Variants in MARVELD3 observed in about 807,000 individuals in gnomAD.
MARVELD3 encodes MARVEL domain containing 3.
Under a neutral mutation model 33.5 loss-of-function variants are expected in MARVELD3, and 28 were observed. The ratio of observed to expected loss-of-function variants is 0.84; its 90% CI spans 0.62 to 1.15. The LOEUF (loss-of-function observed/expected upper bound fraction) is 1.15. MARVELD3 is among the 50% of genes most tolerant of loss of function. MARVELD3 has a pLI of 0.00. For missense variants in MARVELD3, 582 were observed against 547.6 expected (o/e 1.06, Z -0.63); for synonymous variants, 241 against 230.4 (o/e 1.05, Z -0.42).
chr16:71,637,483 G>A (rs894653490), downstream of MARVELD3, among the ~76,000 whole-genome samples: 2 of 152,170 alleles, frequency 1.3e-5, no homozygotes, highest in Non-Finnish European at 2.9e-5. Flanking sequence ...TAAACCAGCA[G>A]CTTACTGTGC....
chr16:71,631,588 G>GTTA (rs2044533983), intron 2 of MARVELD3, among the ~76,000 whole-genome samples: 2 of 151,970 alleles, frequency 1.3e-5, no homozygotes, highest in Non-Finnish European at 2.9e-5. Flanking sequence ...TGGCTGGGAG[G>GTTA]TAGCGCGTGC....
At chr16:71,631,815 A>T (rs908536391) in intron 2 of MARVELD3, among the ~76,000 whole-genome samples, 3 of 152,222 alleles carry the variant, frequency 2.0e-5, no homozygotes, top group Admixed American at 2.0e-4. Flanking sequence ...GAAAACAATA[A>T]TGTTGTTTGC....
rs770522714 is a variant in MARVELD3 at position 71,629,495 on chromosome 16, G to A, written c.595+1G>A. The stretch of plus-strand genomic sequence containing the variant: ...TGCAAATACTTGTGCACTGGGAGAG[G>A]TGAGCCGTTTTGCAGGCTGTTTGAT... On this transcript the variant is annotated splice_donor_variant, in intron 2 of 2. Coordinates refer to ENST00000268485, the MANE Select transcript of MARVELD3 (RefSeq NM_052858.6). LOFTEE classifies it high-confidence loss of function. The A allele has an allele frequency of 6.4e-7, 1 of 1,565,428 alleles. No homozygotes were observed.
At chr16:71,628,545 A>T (rs1333747474) in intron 1 of MARVELD3, among the ~76,000 whole-genome samples, 1 of 151,754 alleles carries the variant, frequency 6.6e-6, no homozygotes, top group East Asian at 1.9e-4. Flanking sequence ...TCAAAACAAA[A>T]AAAAAAAAAG....
Position 71,634,731 on chromosome 16 carries a change from T to A in MARVELD3, c.1134T>A (p.Ala378=), listed in dbSNP as rs12932850. ...GCATTGTGGTCTTTGCCCTGGGGGC[T>A]GTCCTGGCCATAAAGGGCTACCGAA... ...ALGIVVFALG[A]VLAIKGYRKV... is the part of the protein sequence containing the mutation. The change falls in exon 3 of 3, where the codon GCT becomes GCA. Residue 378 remains alanine, a synonymous_variant. Transcript: ENST00000268485. 41 of 1,613,896 alleles carry A rather than the reference T, an allele frequency of 2.5e-5. No homozygotes were observed. The African/African-American group carries it at 4.7e-4, about 18-fold the overall frequency.
intron 2 of MARVELD3, among the ~76,000 whole-genome samples, chr16:71,632,697 C>T (rs569801958): frequency 1.6e-4 from 25 of 151,708 alleles, no homozygotes; most frequent in African/African-American, 5.3e-4. Flanking sequence ...CTGCAAACTC[C>T]GCCTCCTGGG....
rs2044580340 is a variant in MARVELD3 at position 71,636,214 on chromosome 16, T to A, written c.*1411T>A. On this transcript the variant is annotated 3_prime_UTR_variant, in exon 3 of 3. Transcript: ENST00000268485. ...AATCCAAAGAATTTTAATTTGGAGT[T>A]GATGTCCTCTTTACAATACATTTAT... 2.2e-6 allele frequency: 2 copies of A among 891,452 alleles called. No homozygotes were observed. The highest frequency in any genetic ancestry group is 1.2e-4 in the Admixed American group (2 of 16,146). 55.2% of individuals were successfully genotyped at this position (891,452 alleles called of 1,614,324 possible).
intron 2 of MARVELD3, among the ~76,000 whole-genome samples, chr16:71,631,578 T>A (rs1394786876): frequency 1.3e-5 from 2 of 151,828 alleles, no homozygotes; most frequent in African/African-American, 4.8e-5. Context: ...GCCTCCCGAG[T>A]GGCTGGGAGG....
chr16:71,640,220 TCA>T (rs2044607090), downstream of MARVELD3, among the ~76,000 whole-genome samples: 1 of 148,736 alleles, frequency 6.7e-6, no homozygotes, highest in South Asian at 2.1e-4. Flanking sequence ...AGTGAGCCAA[TCA>T]CACCATTGCA....
rs945198185 is a variant in MARVELD3 at position 71,626,709 on chromosome 16, G to A, written c.467+13G>A. The A allele has an allele frequency of 1.1e-5, 16 of 1,440,020 alleles. No individual in the cohort carries two copies. Among genetic ancestry groups the A allele is most frequent in the African/African-American group, 1.5e-5 (1 of 67,636 alleles). 89.2% of individuals were successfully genotyped at this position (1,440,020 alleles called of 1,614,324 possible). ...GCAGACCCGAAAGGTGAGAGGGGCC[G>A]GGGCGCTGCGACCTCCGCGCCGGGG... On this transcript the variant is annotated intron_variant, in intron 1 of 2. Coordinates refer to ENST00000268485, the MANE Select transcript of MARVELD3 (RefSeq NM_052858.6). This position sits in a 1 kb window ranked among gnomAD's most constrained non-coding sequence, Gnocchi z 5.3.
intron 1 of MARVELD3, 85 bp from the exon 2 acceptor site, chr16:71,629,282 C>T: frequency 7.2e-7 from 1 of 1,391,780 alleles, no homozygotes; most frequent in Non-Finnish European, 9.5e-7. Flanking sequence ...AATATTTGGG[C>T]CCAGCACGAG....
rs758015240 is a variant in MARVELD3 at position 71,634,201 on chromosome 16, C to CAT, written c.605_606insTA (p.Gln202HisfsTer8). On this transcript the variant is annotated frameshift_variant, in exon 3 of 3. Transcript: ENST00000268485. LOFTEE classifies it high-confidence loss of function. ...ACACCCTTTTTTTGCAGCCTGCTGC[C>CAT]AAATGCTGGAGGTTCTCCTGAACTT... 3.1e-6 allele frequency: 5 copies of CAT among 1,599,226 alleles called. No homozygotes were observed. The African/African-American group carries it at 6.7e-5, about 21-fold the overall frequency.
At position 71,635,541 on chromosome 16, in the gene MARVELD3, A is replaced by G. The variant is rs886661947; in HGVS notation, c.*738A>G. 2.9e-5 allele frequency: 29 copies of G among 983,350 alleles called. No homozygotes were observed. In the Admixed American group the frequency reaches 3.1e-4, roughly 10 times the overall value. 60.9% of individuals were successfully genotyped at this position (983,350 alleles called of 1,614,324 possible). A position where few individuals can be genotyped will look rare whatever the true frequency, so the allele number is the denominator to read the frequency against. ...AGGATTGCTTGAACCCAGGAGTTCA[A>G]GTTTGCAGTGCGCTATGATTGTCCC... is the stretch of plus-strand genomic sequence containing the variant. On this transcript the variant is annotated 3_prime_UTR_variant, in exon 3 of 3. Transcript: ENST00000268485.
chr16:71,634,181 CT>C lies in MARVELD3; in HGVS notation c.596-5del, dbSNP rs750141510. The C allele has an allele frequency of 4.4e-6, 7 of 1,587,848 alleles. No homozygotes were observed. The highest frequency in any genetic ancestry group is 2.3e-5 in the South Asian group (2 of 86,792). On this transcript the variant is annotated splice_polypyrimidine_tract_variant and intron_variant, in intron 2 of 2. Transcript: ENST00000268485. ...AGCATCACTCAAAAATGGTAACACC[CT>C]TTTTTTGCAGCCTGCTGCCAAATGC...
At chr16:71,640,769 T>C, downstream of MARVELD3, 1 of 1,614,194 alleles carries the variant, frequency 6.2e-7, no homozygotes, top group South Asian at 1.1e-5. Flanking sequence ...TCCACGTGGC[T>C]CTGCAGATCA....
At position 71,626,221 on chromosome 16, in the gene MARVELD3, A is replaced by C; in HGVS notation, c.-9A>C. 6.8e-7 allele frequency: 1 copy of C among 1,463,632 alleles called. No individual in the cohort carries two copies. Among genetic ancestry groups the C allele is most frequent in the Non-Finnish European group, 9.0e-7 (1 of 1,111,328 alleles). 90.7% of individuals were successfully genotyped at this position (1,463,632 alleles called of 1,614,324 possible). On this transcript the variant is annotated 5_prime_UTR_variant, in exon 1 of 3. Transcript: ENST00000268485. This position sits in a 1 kb window ranked among gnomAD's most constrained non-coding sequence, Gnocchi z 5.3. ...AGGTCGCTCCCGGGCGGGGACACGG[A>C]ACCCGGCCATGGAAGATCCGTCGGG...
rs1365378332 is a variant in MARVELD3, at chr16:71,634,177, C to T, written c.596-16C>T. 1.3e-6 allele frequency: 2 copies of T among 1,584,410 alleles called. No homozygotes were observed. The highest frequency in any genetic ancestry group is 1.7e-6 in the Non-Finnish European group (2 of 1,163,802). ...AAACAGCATCACTCAAAAATGGTAA[C>T]ACCCTTTTTTTGCAGCCTGCTGCCA... is the stretch of plus-strand genomic sequence containing the variant. On this transcript the variant is annotated splice_polypyrimidine_tract_variant and intron_variant, in intron 2 of 2. Transcript: ENST00000268485.
chr16:71,634,979 C>A lies in MARVELD3; in HGVS notation c.*176C>A. ...GAGCGGTGTTCATGGATGCAACAGA[C>A]CCTGGCTTCTGGAGTCCTCTGTGAG... On this transcript the variant is annotated 3_prime_UTR_variant, in exon 3 of 3. Coordinates refer to ENST00000268485, the MANE Select transcript of MARVELD3 (RefSeq NM_052858.6). The A allele has an allele frequency of 7.2e-7, 1 of 1,396,598 alleles. No individual in the cohort carries two copies. The highest frequency in any genetic ancestry group is 9.3e-7 in the Non-Finnish European group (1 of 1,077,040). 86.5% of individuals were successfully genotyped at this position (1,396,598 alleles called of 1,614,324 possible).
chr16:71,634,793 T>G lies in MARVELD3; in HGVS notation c.1196T>G (p.Phe399Cys), dbSNP rs562415424. 4 of 1,597,178 alleles carry G rather than the reference T, an allele frequency of 2.5e-6. No homozygotes were observed. The highest frequency in any genetic ancestry group is 2.2e-5 in the South Asian group (2 of 89,412). Reference sequence around the variant, plus strand: ...CTAAAAGAGAAGCCAGCAGAAATGTTTGAATTTTAAGGGTTTCTAAAACGC... The same window carrying G: ...CTAAAAGAGAAGCCAGCAGAAATGTGTGAATTTTAAGGGTTTCTAAAACGC... Reference protein sequence around the residue: ...RKLKEKPAEMFEF With the variant: ...RKLKEKPAEMCEF Residue 399 changes from phenylalanine to cysteine, a missense_variant, in exon 3 of 3, where the codon TTT (phenylalanine) becomes TGT (cysteine). By Grantham distance (205) the Phe-to-Cys change is radical. Coordinates refer to ENST00000268485, the MANE Select transcript of MARVELD3 (RefSeq NM_052858.6).
Sources: allele counts gnomAD v4.1 joint callset (sites outside exome capture counted in the v4.1 genomes callset), GRCh38; gene constraint gnomAD v4.1.1; non-coding constraint Gnocchi (gnomAD v3.1); transcripts MANE v1.5; gene names NCBI Gene and HGNC (gene_info 2026-07-23, HGNC 2026-07-21).